CLUH: variants seen among roughly 807,000 people sequenced by gnomAD.
CLUH encodes the protein clustered mitochondria protein homolog.
Under a neutral mutation model 139.3 loss-of-function variants are expected in CLUH, and 77 were observed. That is an observed-to-expected ratio of 0.55 (90% CI 0.46 to 0.67). The LOEUF (loss-of-function observed/expected upper bound fraction) is 0.67. Among genes scored for constraint, CLUH ranks in the 30% least tolerant of loss-of-function variants. The pLI, the probability that CLUH is intolerant of heterozygous loss-of-function variation, is 0.00. For missense variants in CLUH, 1,876 were observed against 1,875.8 expected, an observed-to-expected ratio of 1.00 and a Z score of 0.00; for synonymous variants, 999 against 801.6, an observed-to-expected ratio of 1.25 and a Z score of -4.16.
In CLUH at chr17:2,694,290, C is replaced by T. The variant is rs1189690460; in HGVS notation, c.2938-14G>A. 6.4e-7 allele frequency: 1 copy of T among 1,571,228 alleles called. No individual in the cohort carries two copies. Among genetic ancestry groups the T allele is most frequent in the Non-Finnish European group, 8.6e-7 (1 of 1,156,672 alleles). On this transcript the variant is annotated splice_polypyrimidine_tract_variant and intron_variant, in intron 17 of 25. Transcript: ENST00000651024. ...CTTCAGCAGGACCTGGGGGGCAGCCCCCCCACCACAGGAAGCCTCAGGCCC... is the reference window on the plus strand; with the variant it reads ...CTTCAGCAGGACCTGGGGGGCAGCCTCCCCACCACAGGAAGCCTCAGGCCC...
intron 13 of CLUH, 163 bp from the exon 14 acceptor site, chr17:2,695,689 C>G (rs921070523): frequency 1.0e-6 from 1 of 981,518 alleles, no homozygotes; most frequent in African/African-American, 1.6e-5. Context: ...GGCAGGAGCG[C>G]AGGCCAAGAA....
Position 2,700,774 on chromosome 17 carries a change from G to A in CLUH, c.1077C>T (p.Ser359=), listed in dbSNP as rs372697834. The change falls in exon 8 of 26, where the codon AGC becomes AGT. Residue 359 remains serine (S), a synonymous_variant. Transcript: ENST00000651024. ...CATGCTCCGCCTGGGGGGCTGTCCA[G>A]CTGTACACCTGGAATGGGGTGGCGA... ...ERIATPFQVY[S]WTAPQAEHAM... The A allele has an allele frequency of 1.2e-5, 18 of 1,540,590 alleles. No individual in the cohort carries two copies. In the African/African-American group the frequency reaches 1.9e-4, roughly 17 times the overall value.
At position 2,704,303 on chromosome 17, in the gene CLUH, C is replaced by T. The variant is rs1381426492; in HGVS notation, c.303+59G>A. 2 of 1,527,624 alleles carry T rather than the reference C, an allele frequency of 1.3e-6. No individual in the cohort carries two copies. The highest frequency in any genetic ancestry group is 1.8e-6 in the Non-Finnish European group (2 of 1,122,282). The allele number at this position is 1,527,624 out of a possible 1,614,324, so 94.6% of individuals were successfully genotyped here. A position where few individuals can be genotyped will look rare whatever the true frequency, so the allele number is the denominator to read the frequency against. On this transcript the variant is annotated intron_variant, in intron 2 of 25. Transcript: ENST00000651024. The surrounding 1 kb of genome is among the most constrained non-coding windows in gnomAD (Gnocchi z 5.7). Reference sequence around the variant, plus strand: ...GGAGCACGAGCAAGGCTGAGCTTTCCAGCTCACCCTCCCCAGCAGGCTCAG... The same window carrying T: ...GGAGCACGAGCAAGGCTGAGCTTTCTAGCTCACCCTCCCCAGCAGGCTCAG...
intron 16 of CLUH, 35 bp downstream of exon 16, chr17:2,694,822 T>TGCCCCC: frequency 2.2e-4 from 302 of 1,346,264 alleles, no homozygotes; most frequent in Non-Finnish European, 2.7e-4. Flanking sequence ...ATCTGCCCAA[T>TGCCCCC]CCCACCCACC....
chr17:2,706,467 C>G lies in CLUH; in HGVS notation c.101-1903G>C, dbSNP rs558905402. On this transcript the variant is annotated intron_variant, in intron 1 of 25. Coordinates refer to ENST00000651024, the MANE Select transcript of CLUH (RefSeq NM_001366661.1). The surrounding 1 kb of genome is among the most constrained non-coding windows in gnomAD (Gnocchi z 4.6). ...CGCGGCACTCCCTCAACTCTGGCCACTGAGGACCTTCAGTAACTGTGCATG... is the reference window on the plus strand; with the variant it reads ...CGCGGCACTCCCTCAACTCTGGCCAGTGAGGACCTTCAGTAACTGTGCATG... Among the ~76,000 whole-genome samples the G allele has an allele frequency of 3.9e-5, 6 of 152,256 alleles. No individual in the cohort carries two copies. The South Asian group carries it at 1.2e-3, about 32-fold the overall frequency.
At position 2,711,666 on chromosome 17, in the gene CLUH, G is replaced by C; in HGVS notation, c.-5C>G. Reference sequence around the variant, plus strand: ...CTCGTCCGTCTTGATAACCATGGTGGCGGGAGCGGGCGTCCGCCTCGGCTG... The same window carrying C: ...CTCGTCCGTCTTGATAACCATGGTGCCGGGAGCGGGCGTCCGCCTCGGCTG... On this transcript the variant is annotated 5_prime_UTR_variant, in exon 1 of 26. Coordinates refer to ENST00000651024, the MANE Select transcript of CLUH (RefSeq NM_001366661.1). 1 of 982,202 alleles carries C rather than the reference G, an allele frequency of 1.0e-6. No individual in the cohort carries two copies. The highest frequency in any genetic ancestry group is 1.2e-6 in the Non-Finnish European group (1 of 827,232). 60.8% of individuals were successfully genotyped at this position (982,202 alleles called of 1,614,324 possible). A position where few individuals can be genotyped will look rare whatever the true frequency, so the allele number is the denominator to read the frequency against.
rs2070308892 is a variant in CLUH at position 2,704,973 on chromosome 17, C to T, written c.101-409G>A. ...TCTCCAGCTCCATCCTCTTCCATCCCTCCTGAGCTGTGGTCCTGGGCTGCA... is the reference window on the plus strand; with the variant it reads ...TCTCCAGCTCCATCCTCTTCCATCCTTCCTGAGCTGTGGTCCTGGGCTGCA... On this transcript the variant is annotated intron_variant, in intron 1 of 25. Transcript: ENST00000651024. The surrounding 1 kb of genome is among the most constrained non-coding windows in gnomAD (Gnocchi z 5.7). 1.3e-5 allele frequency among the ~76,000 whole-genome samples: 2 copies of T among 152,166 alleles called. No individual in the cohort carries two copies. Among genetic ancestry groups the T allele is most frequent in the African/African-American group, 4.8e-5 (2 of 41,440 alleles).
intron 3 of CLUH, among the ~76,000 whole-genome samples, 163 bp from the exon 4 acceptor site, chr17:2,702,220 G>C (rs2070211492): frequency 6.6e-6 from 1 of 152,044 alleles, no homozygotes; most frequent in African/African-American, 2.4e-5. Flanking sequence ...TGGAGTTCTG[G>C]TTTTGACACC....
intron 23 of CLUH, 48 bp from the exon 24 acceptor site, chr17:2,691,943 C>G (rs772869001): frequency 8.6e-6 from 11 of 1,285,786 alleles, no homozygotes; most frequent in Middle Eastern, 2.8e-4. Flanking sequence ...CCCCGCGGCC[C>G]CGCCCCCGCC....
chr17:2,698,960 T>C (rs191902594), intron 9 of CLUH, among the ~76,000 whole-genome samples: 15 of 152,052 alleles, frequency 9.9e-5, no homozygotes, highest in African/African-American at 2.2e-4. Context: ...GGCAGGAGAA[T>C]TGCTTGAACC....
rs1490548407 is a variant in CLUH, at chr17:2,690,385, C to T, written c.*209G>A. On this transcript the variant is annotated 3_prime_UTR_variant, in exon 26 of 26. Transcript: ENST00000651024. ...GCCATTCACGTGTCTCCAATGGGGCCTCTGCATCATCTATTCATTGAACCA... is the reference window on the plus strand; with the variant it reads ...GCCATTCACGTGTCTCCAATGGGGCTTCTGCATCATCTATTCATTGAACCA... 2.3e-6 allele frequency: 1 copy of T among 442,664 alleles called. No individual in the cohort carries two copies. Among genetic ancestry groups the T allele is most frequent in the Non-Finnish European group, 3.9e-6 (1 of 253,572 alleles). The allele number at this position is 442,664 out of a possible 1,614,324, so 27.4% of individuals were successfully genotyped here. A position where few individuals can be genotyped will look rare whatever the true frequency, so the allele number is the denominator to read the frequency against.
In CLUH at chr17:2,689,548, T is replaced by C. The variant is rs1217823771; in HGVS notation, c.*1046A>G. On this transcript the variant is annotated 3_prime_UTR_variant, in exon 26 of 26. Coordinates refer to ENST00000651024, the MANE Select transcript of CLUH (RefSeq NM_001366661.1). ...TGGACGGACCACACCCATAAGCGGC[T>C]CTCCGCAAACCCAGGCAGACGCCCG... The C allele has an allele frequency of 1.3e-5, 2 of 152,728 alleles. No homozygotes were observed. Among genetic ancestry groups the C allele is most frequent in the Non-Finnish European group, 2.9e-5 (2 of 68,172 alleles). The allele number at this position is 152,728 out of a possible 1,614,324, so 9.5% of individuals were successfully genotyped here. A position where few individuals can be genotyped will look rare whatever the true frequency, so the allele number is the denominator to read the frequency against.
At position 2,694,657 on chromosome 17, in the gene CLUH, C is replaced by T. The variant is rs1471154401; in HGVS notation, c.2853-93G>A. The T allele has an allele frequency of 1.7e-5, 23 of 1,356,250 alleles. No homozygotes were observed. In the East Asian group the frequency reaches 3.0e-4, roughly 18 times the overall value. 84.0% of individuals were successfully genotyped at this position (1,356,250 alleles called of 1,614,324 possible). A position where few individuals can be genotyped will look rare whatever the true frequency, so the allele number is the denominator to read the frequency against. On this transcript the variant is annotated intron_variant, in intron 16 of 25. Coordinates refer to ENST00000651024, the MANE Select transcript of CLUH (RefSeq NM_001366661.1). ...GCTCCCCAACGCTGTCCAGCCCGGG[C>T]CCCCAACACTGCCCCACCCGGCCCC...
chr17:2,691,937 G>GCC (rs1432538909), intron 23 of CLUH, 42 bp from the exon 24 acceptor site: 24 of 1,054,924 alleles, frequency 2.3e-5, no homozygotes, highest in East Asian at 1.4e-4. Flanking sequence ...CCGTGCCCCC[G>GCC]CGGCCCCGCC....
chr17:2,698,628 C>T lies in CLUH; in HGVS notation c.1267-38G>A, dbSNP rs1319543677. ...GAGGAGGGCAGGGTTAGAGGCCGCG[C>T]CCACAAGAGCCTGCATCCACCTGGC... is the stretch of plus-strand genomic sequence containing the variant. On this transcript the variant is annotated intron_variant, in intron 9 of 25. Transcript: ENST00000651024. The T allele has an allele frequency of 8.0e-6, 12 of 1,502,556 alleles. No individual in the cohort carries two copies. In the South Asian group the frequency reaches 1.3e-4, roughly 16 times the overall value. 93.1% of individuals were successfully genotyped at this position (1,502,556 alleles called of 1,614,324 possible). A position where few individuals can be genotyped will look rare whatever the true frequency, so the allele number is the denominator to read the frequency against.
At chr17:2,692,898 C>T (rs867258034) in intron 19 of CLUH, 38 bp from the exon 20 acceptor site, 19 of 1,539,272 alleles carry the variant, frequency 1.2e-5, no homozygotes, top group Non-Finnish European at 1.6e-5. Context: ...GGCGTGGGAA[C>T]CCCCACTGCA....
rs1035782715 is a variant in CLUH at position 2,703,129 on chromosome 17, G to A, written c.475+189C>T. Among the ~76,000 whole-genome samples the A allele has an allele frequency of 1.3e-5, 2 of 152,166 alleles. No individual in the cohort carries two copies. Among genetic ancestry groups the A allele is most frequent in the Non-Finnish European group, 2.9e-5 (2 of 68,026 alleles). On this transcript the variant is annotated intron_variant, in intron 3 of 25. Transcript: ENST00000651024. The surrounding 1 kb of genome is among the most constrained non-coding windows in gnomAD (Gnocchi z 4.2). ...GCGTGAGCCACCATGCCCAGCCCAC[G>A]GCTCTGTTCTTTAACCCATGGGCCG... is the stretch of plus-strand genomic sequence containing the variant.
rs751355530 is a variant in CLUH at position 2,704,464 on chromosome 17, G to A, written c.201C>T (p.Ala67=). Residue 67 remains alanine (A), a synonymous_variant, in exon 2 of 26, where the codon GCC becomes GCT. Transcript: ENST00000651024. This position sits in a 1 kb window ranked among gnomAD's most constrained non-coding sequence, Gnocchi z 5.7. ...EPPRENGLDE[A]GPGDETTGQE... ...GGCCGGTGGTCTCATCTCCCGGGCCGGCCTCGTCAAGCCCATTTTCCCTGG... is the reference window on the plus strand; with the variant it reads ...GGCCGGTGGTCTCATCTCCCGGGCCAGCCTCGTCAAGCCCATTTTCCCTGG... 1.2e-5 allele frequency: 19 copies of A among 1,600,142 alleles called. No homozygotes were observed. Among genetic ancestry groups the A allele is most frequent in the Admixed American group, 1.0e-4 (6 of 58,078 alleles).
chr17:2,708,883 C>T (rs867394970), intron 1 of CLUH, among the ~76,000 whole-genome samples: 2 of 151,728 alleles, frequency 1.3e-5, no homozygotes, highest in African/African-American at 4.8e-5. Context: ...GCAGAACTAT[C>T]CCAGTCACAG....
Sources: allele counts gnomAD v4.1 joint callset (sites outside exome capture counted in the v4.1 genomes callset), GRCh38; gene constraint gnomAD v4.1.1; non-coding constraint Gnocchi (gnomAD v3.1); transcripts MANE v1.5; gene names NCBI Gene and HGNC (gene_info 2026-07-23, HGNC 2026-07-21).